Variants in EBP observed in about 807,000 individuals in gnomAD.
EBP encodes the protein EBP cholestenol delta-isomerase.
EBP carries 1 observed loss-of-function variant against 14.1 expected under a neutral mutation model. The ratio of observed to expected loss-of-function variants is 0.07; its 90% CI spans 0.03 to 0.34. EBP has a LOEUF of 0.34. EBP is among the 10% of genes least tolerant of loss of function. EBP has a pLI of 0.99. For missense variants in EBP, 123 were observed against 184.6 expected, an observed-to-expected ratio of 0.67 and a Z score of 1.93; for synonymous variants, 72 against 77.7, an observed-to-expected ratio of 0.93 and a Z score of 0.38.
Position 48,528,656 on chromosome X carries a change from G to T in EBP, c.*199G>T. ...CCATTAGAACACAGATACAAGAGAA[G>T]CCAGGAGGTCTATGATGGTGACGAT... On this transcript the variant is annotated 3_prime_UTR_variant, in exon 5 of 5. Coordinates refer to ENST00000495186, the MANE Select transcript of EBP (RefSeq NM_006579.3). The T allele has an allele frequency of 2.2e-6, 1 of 451,795 alleles. No individual in the cohort carries two copies. Among genetic ancestry groups the T allele is most frequent in the Non-Finnish European group, 3.9e-6 (1 of 259,175 alleles). The allele number at this position is 451,795 out of a possible 1,213,427, so 37.2% of individuals were successfully genotyped here. A position where few individuals can be genotyped will look rare whatever the true frequency, so the allele number is the denominator to read the frequency against.
Position 48,528,494 on chromosome X carries a change from G to T in EBP, c.*37G>T. 1.8e-6 allele frequency: 2 copies of T among 1,100,550 alleles called. No individual in the cohort carries two copies. The highest frequency in any genetic ancestry group is 2.4e-6 in the Non-Finnish European group (2 of 817,111). 90.7% of individuals were successfully genotyped at this position (1,100,550 alleles called of 1,213,427 possible). ...CCAGGCTCGAACACTGGCCGAGGAG[G>T]AGCTCTCTGCCTGCCAGAAGAGTCT... On this transcript the variant is annotated 3_prime_UTR_variant, in exon 5 of 5. Coordinates refer to ENST00000495186, the MANE Select transcript of EBP (RefSeq NM_006579.3).
chrX:48,523,553 G>GAAA (rs782437115), intron 1 of EBP, 146 bp from the exon 2 acceptor site: 713 of 268,378 alleles, frequency 2.7e-3, no homozygotes, highest in Non-Finnish European at 3.0e-3. Flanking sequence ...GACTCCGTCT[G>GAAA]AAAAAAAAAA....
rs1556977068 is a variant in EBP at position 48,523,926 on chromosome X, G to A, written c.155G>A (p.Arg52His). ...LVVTTWLLSG[R>H]AAVVPLGTWR... ...GTGACCACATGGCTGTTGTCAGGTC[G>A]TGCTGCGGTTGTCCCATTGGGGACT... Residue 52 changes from arginine to histidine, a missense_variant, in exon 2 of 5, where the codon CGT (arginine) becomes CAT (histidine). Physicochemically the swap from Arg to His is conservative, Grantham distance 29. Coordinates refer to ENST00000495186, the MANE Select transcript of EBP (RefSeq NM_006579.3). The A allele has an allele frequency of 6.6e-6, 8 of 1,211,522 alleles. No individual in the cohort carries two copies. The highest frequency in any genetic ancestry group is 3.0e-5 in the East Asian group (1 of 33,830).
At chrX:48,527,395 G>T in intron 4 of EBP, 110 bp downstream of exon 4, 2 of 1,136,909 alleles carry the variant, frequency 1.8e-6, no homozygotes, top group Non-Finnish European at 2.4e-6. Flanking sequence ...CCTTCCAGGG[G>T]TAAGTCAGAC....
chrX:48,526,384 C>CT (rs1332850576), intron 2 of EBP, among the ~76,000 whole-genome samples: 1 of 97,190 alleles, frequency 1.0e-5, no homozygotes, highest in East Asian at 3.2e-4. Context: ...ACCCTGTTGT[C>CT]CAGGCTGAGC....
intron 4 of EBP, chrX:48,527,692 ACCTC>A: frequency 6.1e-6 from 1 of 163,355 alleles, no homozygotes. Context: ...TGCAACCTCC[ACCTC>A]CCAGACTCAA....
chrX:48,522,588 C>T (rs2061766044), intron 1 of EBP, among the ~76,000 whole-genome samples: 1 of 112,451 alleles, frequency 8.9e-6, no homozygotes, highest in Non-Finnish European at 1.9e-5. Context: ...ACTGTTTCTA[C>T]CACATCATAA....
intron 1 of EBP, among the ~76,000 whole-genome samples, chrX:48,523,039 A>C (rs1569479516): frequency 9.2e-6 from 1 of 108,889 alleles, no homozygotes; most frequent in Non-Finnish European, 1.9e-5. Flanking sequence ...TTCAGCCTTG[A>C]AGTCCTGGGC....
intron 1 of EBP, 158 bp downstream of exon 1, chrX:48,522,065 G>A (rs2061763782): frequency 6.6e-5 from 7 of 106,333 alleles, no homozygotes; most frequent in Admixed American, 4.1e-4. Context: ...TTGTCCAGAG[G>A]ACAGAAGATC....
At position 48,523,830 on chromosome X, in the gene EBP, A is replaced by G. The variant is rs144359050; in HGVS notation, c.59A>G (p.Asn20Ser). The G allele has an allele frequency of 5.8e-6, 7 of 1,207,001 alleles. No homozygotes were observed. Among genetic ancestry groups the G allele is most frequent in the Non-Finnish European group, 7.8e-6 (7 of 894,535 alleles). Residue 20 changes from asparagine to serine, a missense_variant, in exon 2 of 5, where the codon AAC becomes AGC. Physicochemically the swap from Asn to Ser is conservative, Grantham distance 46. Coordinates refer to ENST00000495186, the MANE Select transcript of EBP (RefSeq NM_006579.3). The part of the protein sequence containing the change: ...PYWPQHLRLD[N>S]FVPNDRPTWH... ...TGGCCTCAGCACCTAAGACTGGACA[A>G]CTTTGTACCTAATGACCGCCCCACC...
At chrX:48,522,059 C>G (rs1181554907) in intron 1 of EBP, 152 bp downstream of exon 1, 3 of 101,433 alleles carry the variant, frequency 3.0e-5, no homozygotes, top group Non-Finnish European at 5.8e-5. Flanking sequence ...GCACGGTTGT[C>G]CAGAGGACAG....
intron 4 of EBP, chrX:48,527,516 T>G: frequency 2.0e-6 from 1 of 498,701 alleles, no homozygotes; most frequent in Non-Finnish European, 3.2e-6. Flanking sequence ...CATCACAAAG[T>G]CTCCTGTGAA....
At chrX:48,523,617 T>G in intron 1 of EBP, 82 bp from the exon 2 acceptor site, 1 of 550,191 alleles carries the variant, frequency 1.8e-6, no homozygotes, top group Non-Finnish European at 2.9e-6. Flanking sequence ...AACTGGTAAA[T>G]TCGGTCCATT....
At position 48,523,013 on chromosome X, in the gene EBP, T is replaced by C. The variant is rs1465945513; in HGVS notation, c.-73-686T>C. ...AGAGTCTCAGACTGGAGGGCAGTGATGTGGTCACTGCTCACTTCAGCCTTG... is the reference window on the plus strand; with the variant it reads ...AGAGTCTCAGACTGGAGGGCAGTGACGTGGTCACTGCTCACTTCAGCCTTG... On this transcript the variant is annotated intron_variant, in intron 1 of 4. Coordinates refer to ENST00000495186, the MANE Select transcript of EBP (RefSeq NM_006579.3). Among the ~76,000 whole-genome samples, 4 of 109,283 alleles carry C rather than the reference T, an allele frequency of 3.7e-5. No individual in the cohort carries two copies. The East Asian group carries it at 1.2e-3, about 32-fold the overall frequency. 94.9% of individuals were successfully genotyped at this position (109,283 alleles called of 115,157 possible). A position where few individuals can be genotyped will look rare whatever the true frequency, so the allele number is the denominator to read the frequency against.
intron 1 of EBP, among the ~76,000 whole-genome samples, chrX:48,523,147 C>T (rs1287303717): frequency 2.7e-5 from 3 of 111,942 alleles, no homozygotes; most frequent in Non-Finnish European, 5.6e-5. Context: ...GAGACAGTTT[C>T]GCTGTGTTGC....
intron 2 of EBP, chrX:48,526,710 C>A: frequency 2.5e-6 from 1 of 404,015 alleles, no homozygotes. Flanking sequence ...TCATTGGCTA[C>A]TTCACTCACT....
chrX:48,526,077 A>G (rs1421586030), intron 2 of EBP, among the ~76,000 whole-genome samples: 1 of 84,643 alleles, frequency 1.2e-5, no homozygotes, highest in Non-Finnish European at 2.2e-5. Flanking sequence ...CGATAAGAGC[A>G]AGGCTCCGTC....
chrX:48,526,828 A>G (rs976262404), intron 2 of EBP, 161 bp from the exon 3 acceptor site: 46 of 572,937 alleles, frequency 8.0e-5, no homozygotes, highest in Non-Finnish European at 1.3e-4. Context: ...TTTTAGAGAA[A>G]TAAACCACTA....
chrX:48,526,886 G>GGAAGGTTA, intron 2 of EBP, 103 bp from the exon 3 acceptor site: 2 of 930,985 alleles, frequency 2.1e-6, no homozygotes, highest in Non-Finnish European at 3.1e-6. Context: ...CAGACGCATG[G>GGAAGGTTA]GAAGGTTATG....
Sources: gnomAD v4.1 joint callset for allele counts (sites outside exome capture counted in the v4.1 genomes callset) on GRCh38, gnomAD v4.1.1 for gene constraint, MANE v1.5 for transcripts, NCBI Gene and HGNC (gene_info 2026-07-23, HGNC 2026-07-21) for gene names.